RAPGEFL1: variants seen among roughly 807,000 people sequenced by gnomAD.
The protein encoded by RAPGEFL1 is rap guanine nucleotide exchange factor-like 1.
In RAPGEFL1, 31 loss-of-function variants were observed where a neutral mutation model predicts 64.4. That is an observed-to-expected ratio of 0.48 (90% CI 0.36 to 0.65). The LOEUF (loss-of-function observed/expected upper bound fraction) is 0.65, where lower values mean the gene tolerates loss of function less well. Among genes scored for constraint, RAPGEFL1 ranks in the 30% least tolerant of loss-of-function variants. The pLI, the probability that RAPGEFL1 is intolerant of heterozygous loss-of-function variation, is 0.00. For missense variants in RAPGEFL1, 682 were observed against 677.4 expected, an observed-to-expected ratio of 1.01 and a Z score of -0.08; for synonymous variants, 331 against 274.1, an observed-to-expected ratio of 1.21 and a Z score of -2.05.
At chr17:40,193,580 C>T in intron 14 of RAPGEFL1, 84 bp from the exon 15 acceptor site, 1 of 1,605,712 alleles carries the variant, frequency 6.2e-7, no homozygotes, top group Non-Finnish European at 8.5e-7. Context: ...TGTCTCAGTC[C>T]ACAGCCTGAT....
In RAPGEFL1 at chr17:40,189,368, C is replaced by T. The variant is rs770444908; in HGVS notation, c.1107C>T (p.Ser369=). Residue 369 remains serine, a synonymous_variant, in exon 6 of 15, where the codon TCC becomes TCT. Coordinates refer to ENST00000620260, the MANE Select transcript of RAPGEFL1 (RefSeq NM_016339.6). The part of the protein sequence containing the change: ...EDSLILVAVS[S]SGEKVLLQPT... ...CCCTCATCCTGGTAGCTGTGTCCTC[C>T]TCTGGAGGTGAGGGTCAGGAAGAAC... 4 of 1,614,046 alleles carry T rather than the reference C, an allele frequency of 2.5e-6. No homozygotes were observed. Among genetic ancestry groups the T allele is most frequent in the Non-Finnish European group, 1.7e-6 (2 of 1,179,996 alleles).
At chr17:40,182,310 G>GTTAT (rs1218371668) in intron 2 of RAPGEFL1, among the ~76,000 whole-genome samples, 2 of 151,884 alleles carry the variant, frequency 1.3e-5, no homozygotes, top group Non-Finnish European at 2.9e-5. Flanking sequence ...AATGAAAGGT[G>GTTAT]TTATTTATTT....
Position 40,193,905 on chromosome 17 carries a change from G to T in RAPGEFL1, c.*117G>T. ...CCGTGGAGCAACTTCCTGCTCCACG[G>T]GAAAGAGGTCGATGGATTTACCCCT... On this transcript the variant is annotated 3_prime_UTR_variant, in exon 15 of 15. Transcript: ENST00000620260. 1 of 1,396,054 alleles carries T rather than the reference G, an allele frequency of 7.2e-7. No individual in the cohort carries two copies. The highest frequency in any genetic ancestry group is 9.7e-7 in the Non-Finnish European group (1 of 1,031,598). 86.5% of individuals were successfully genotyped at this position (1,396,054 alleles called of 1,614,324 possible).
In RAPGEFL1 at chr17:40,191,269, C is replaced by T. The variant is rs1364773255; in HGVS notation, c.1336-47C>T. The T allele has an allele frequency of 2.3e-5, 35 of 1,503,690 alleles. No homozygotes were observed. Among genetic ancestry groups the T allele is most frequent in the East Asian group, 5.0e-5 (2 of 39,990 alleles). 93.1% of individuals were successfully genotyped at this position (1,503,690 alleles called of 1,614,324 possible). A position where few individuals can be genotyped will look rare whatever the true frequency, so the allele number is the denominator to read the frequency against. Reference sequence around the variant, plus strand: ...GCACTGCCATCTTCCCACCCACTCCCCTCACCCCCTGGCGCCCTGGCCGCC... The same window carrying T: ...GCACTGCCATCTTCCCACCCACTCCTCTCACCCCCTGGCGCCCTGGCCGCC... On this transcript the variant is annotated intron_variant, in intron 8 of 14. Transcript: ENST00000620260. The surrounding 1 kb of genome is among the most constrained non-coding windows in gnomAD (Gnocchi z 5.1).
At position 40,193,413 on chromosome 17, in the gene RAPGEFL1, C is replaced by G. The variant is rs371157305; in HGVS notation, c.1860C>G (p.Pro620=). ...CAATCCGCAAATACCGGAGCCGGCC[C>G]CTTTGTGAGTACCCAGGGTACTGAG... ...VRTIRKYRSR[P]LCLDMEASPN... is the part of the protein sequence containing the mutation. Residue 620 remains proline (P), a synonymous_variant, in exon 14 of 15, where the codon CCC becomes CCG. Coordinates refer to ENST00000620260, the MANE Select transcript of RAPGEFL1 (RefSeq NM_016339.6). 1.2e-6 allele frequency: 2 copies of G among 1,614,142 alleles called. No individual in the cohort carries two copies. The highest frequency in any genetic ancestry group is 2.2e-5 in the East Asian group (1 of 44,884).
At position 40,193,843 on chromosome 17, in the gene RAPGEFL1, C is replaced by G. The variant is rs1892175801; in HGVS notation, c.*55C>G. The G allele has an allele frequency of 3.7e-6, 6 of 1,609,900 alleles. No homozygotes were observed. In the Admixed American group the frequency reaches 1.0e-4, roughly 27 times the overall value. On this transcript the variant is annotated 3_prime_UTR_variant, in exon 15 of 15. Coordinates refer to ENST00000620260, the MANE Select transcript of RAPGEFL1 (RefSeq NM_016339.6). The stretch of plus-strand genomic sequence containing the variant: ...TCCTTGGGCACCTGGCACTCAAGCA[C>G]TTTGCACGATGTCTCAACCAACATC...
intron 4 of RAPGEFL1, among the ~76,000 whole-genome samples, chr17:40,185,783 CAAAAAA>C (rs750937174): frequency 4.1e-5 from 2 of 48,912 alleles, no homozygotes; most frequent in African/African-American, 1.5e-4. Context: ...GATTCTGTCT[CAAAAAA>C]AAAAAAAAAA....
At chr17:40,193,489 C>A in intron 14 of RAPGEFL1, 72 bp downstream of exon 14, 1 of 1,590,940 alleles carries the variant, frequency 6.3e-7, no homozygotes, top group South Asian at 1.1e-5. Flanking sequence ...GGGAGAACTC[C>A]CTGTCCAGAT....
At chr17:40,187,320 C>T (rs1414094978) in intron 4 of RAPGEFL1, among the ~76,000 whole-genome samples, 1 of 152,140 alleles carries the variant, frequency 6.6e-6, no homozygotes, top group Non-Finnish European at 1.5e-5. Context: ...CTTGTCCCCA[C>T]CACCACAACC....
Position 40,192,644 on chromosome 17 carries a change from C to A in RAPGEFL1, c.1695C>A (p.Ile565=). The A allele has an allele frequency of 6.2e-7, 1 of 1,614,058 alleles. No homozygotes were observed. The highest frequency in any genetic ancestry group is 1.1e-5 in the South Asian group (1 of 91,074). ...ACCACAAAAGCTACCGAGAAGTGAT[C>A]TCCAAAATGAAGCCCCCTGTGATTC... The part of the protein sequence containing the change: ...CRNHKSYREV[I]SKMKPPVIPF... The change falls in exon 12 of 15, where the codon ATC becomes ATA. Residue 565 remains isoleucine, a synonymous_variant. Transcript: ENST00000620260.
chr17:40,189,164 C>T, intron 5 of RAPGEFL1, 44 bp from the exon 6 acceptor site: 1 of 1,594,746 alleles, frequency 6.3e-7, no homozygotes, highest in Non-Finnish European at 8.6e-7. Context: ...CCAGCTGCTG[C>T]CACTCTGCCC....
At chr17:40,184,172 C>G in intron 2 of RAPGEFL1, 42 bp from the exon 3 acceptor site, 1 of 1,389,280 alleles carries the variant, frequency 7.2e-7, no homozygotes, top group Non-Finnish European at 1.0e-6. Flanking sequence ...CTCAATTCCT[C>G]AGGTCTGCTT....
At position 40,195,351 on chromosome 17, in the gene RAPGEFL1, C is replaced by A; in HGVS notation, c.*1563C>A. 1 of 155,244 alleles carries A rather than the reference C, an allele frequency of 6.4e-6. No homozygotes were observed. The allele number at this position is 155,244 out of a possible 1,614,324, so 9.6% of individuals were successfully genotyped here. The stretch of plus-strand genomic sequence containing the variant: ...TGGGCCCCCTTCTGCTCCCTGCCCC[C>A]TCCCTGCTACTGCTGATGCACTCTC... On this transcript the variant is annotated 3_prime_UTR_variant, in exon 15 of 15. Coordinates refer to ENST00000620260, the MANE Select transcript of RAPGEFL1 (RefSeq NM_016339.6).
chr17:40,177,467 C>A, upstream of RAPGEFL1: 1 of 635,810 alleles, frequency 1.6e-6, no homozygotes, highest in Non-Finnish European at 2.8e-6. Context: ...CTCGGTTCTG[C>A]CACCTTCCCC....
chr17:40,185,152 C>T lies in RAPGEFL1; in HGVS notation c.833+474C>T, dbSNP rs544473318. ...GCACTGTCTCCAGTCACTTTTTTGT[C>T]CATTCTCCCATTCATTTGTCTGATA... On this transcript the variant is annotated intron_variant, in intron 4 of 14. Coordinates refer to ENST00000620260, the MANE Select transcript of RAPGEFL1 (RefSeq NM_016339.6). Among the ~76,000 whole-genome samples, 35 of 152,188 alleles carry T rather than the reference C, an allele frequency of 2.3e-4. No homozygotes were observed. The South Asian group carries it at 5.2e-3, about 23-fold the overall frequency.
At chr17:40,186,339 C>T (rs1170618976) in intron 4 of RAPGEFL1, among the ~76,000 whole-genome samples, 3 of 148,562 alleles carry the variant, frequency 2.0e-5, no homozygotes, top group Admixed American at 6.7e-5. Context: ...GAGGCCGAGG[C>T]GGGTGGATCA....
chr17:40,177,087 C>G, upstream of RAPGEFL1: 1 of 702,574 alleles, frequency 1.4e-6, no homozygotes, highest in South Asian at 1.5e-5. Flanking sequence ...CTTCCCAGCT[C>G]TTCTCACAGA....
upstream of RAPGEFL1, chr17:40,177,112 C>T: frequency 2.8e-6 from 2 of 702,558 alleles, no homozygotes; most frequent in East Asian, 2.7e-5. Context: ...AGATAAACTC[C>T]ACATATTTCT....
intron 13 of RAPGEFL1, 53 bp downstream of exon 13, chr17:40,193,043 C>T: frequency 6.8e-7 from 1 of 1,475,212 alleles, no homozygotes; most frequent in Middle Eastern, 1.7e-4. Flanking sequence ...GGCTTGCATC[C>T]TCTCCCTCTC....
Sources: allele counts gnomAD v4.1 joint callset (sites outside exome capture counted in the v4.1 genomes callset), GRCh38; gene constraint gnomAD v4.1.1; non-coding constraint Gnocchi (gnomAD v3.1); transcripts MANE v1.5; gene names NCBI Gene and HGNC (gene_info 2026-07-23, HGNC 2026-07-21).